The following GRIP1 variants were observed in gnomAD, a reference collection of about 807,000 sequenced individuals.
GRIP1 encodes glutamate receptor interacting protein 1, also known as glutamate receptor-interacting protein 1.
A neutral mutation model predicts 129.9 loss-of-function variants in GRIP1; 45 were observed. That is an observed-to-expected ratio of 0.35 (90% CI 0.27 to 0.44). GRIP1 has a LOEUF of 0.44. Ranked by LOEUF, GRIP1 falls within the 20% of genes least tolerant of loss-of-function variation. GRIP1 has a pLI of 1.00. For synonymous variants in GRIP1, 530 were observed against 520.8 expected (o/e 1.02, Z -0.24); for missense variants, 1,196 against 1,396.8 (o/e 0.86, Z 2.29).
chr12:66,477,732 A>G (rs1305148891), intron 7 of GRIP1, among the ~76,000 whole-genome samples: 1 of 152,204 alleles, frequency 6.6e-6, no homozygotes, highest in African/African-American at 2.4e-5. Context: ...CCACACATCT[A>G]CAACCATCTG....
At chr12:66,798,535 T>C (rs2136900490) in intron 1 of GRIP1, among the ~76,000 whole-genome samples, 1 of 152,298 alleles carries the variant, frequency 6.6e-6, no homozygotes, top group East Asian at 1.9e-4. Context: ...ATTGGAACGA[T>C]TTAAATGAAA....
intron 1 of GRIP1, among the ~76,000 whole-genome samples, chr12:66,980,706 A>G (rs1441236913): frequency 6.6e-6 from 1 of 152,248 alleles, no homozygotes; most frequent in East Asian, 1.9e-4. Flanking sequence ...TTGAGACAAG[A>G]AGAAACTAAC....
chr12:66,722,661 AG>A (rs1017420724), intron 1 of GRIP1, among the ~76,000 whole-genome samples: 9 of 152,202 alleles, frequency 5.9e-5, no homozygotes, highest in African/African-American at 2.2e-4. Flanking sequence ...GCACATAGGG[AG>A]GCCAATAAAA....
intron 1 of GRIP1, among the ~76,000 whole-genome samples, chr12:66,778,329 T>C (rs894898091): frequency 6.6e-6 from 1 of 152,160 alleles, no homozygotes; most frequent in South Asian, 2.1e-4. Flanking sequence ...GTTAGATAGA[T>C]AGGCAGTCAT....
chr12:66,745,547 G>A (rs1416337283), intron 1 of GRIP1, among the ~76,000 whole-genome samples: 7 of 152,114 alleles, frequency 4.6e-5, no homozygotes, highest in African/African-American at 9.7e-5. Flanking sequence ...GCAAATACAC[G>A]CATGAAAGAC....
intron 1 of GRIP1, among the ~76,000 whole-genome samples, chr12:66,912,707 T>C (rs551449901): frequency 6.6e-6 from 1 of 152,244 alleles, no homozygotes; most frequent in Non-Finnish European, 1.5e-5. Context: ...TACATATATC[T>C]TCAATAAAAT....
At chr12:66,624,376 G>T (rs1271566412) in intron 1 of GRIP1, among the ~76,000 whole-genome samples, 2 of 152,014 alleles carry the variant, frequency 1.3e-5, no homozygotes, top group Non-Finnish European at 2.9e-5. Flanking sequence ...TGTGTAATAG[G>T]TTGCTATGAT....
intron 24 of GRIP1, among the ~76,000 whole-genome samples, chr12:66,352,431 A>G (rs2054274917): frequency 6.6e-6 from 1 of 152,196 alleles, no homozygotes; most frequent in Non-Finnish European, 1.5e-5. Context: ...ATCCAGCTGA[A>G]GCTAGAGAGT....
At chr12:66,535,451 G>T (rs1056512460) in intron 4 of GRIP1, among the ~76,000 whole-genome samples, 1 of 151,876 alleles carries the variant, frequency 6.6e-6, no homozygotes, top group Non-Finnish European at 1.5e-5. Context: ...TTTGATAATG[G>T]TCTCAATAAT....
intron 1 of GRIP1, among the ~76,000 whole-genome samples, chr12:66,717,132 C>T (rs2035913777): frequency 6.6e-6 from 1 of 151,908 alleles, no homozygotes; most frequent in African/African-American, 2.4e-5. Context: ...AAGAAAAGTC[C>T]AATAAGTTAT....
chr12:66,389,942 C>T (rs2056517501), intron 19 of GRIP1, among the ~76,000 whole-genome samples: 1 of 152,198 alleles, frequency 6.6e-6, no homozygotes, highest in Admixed American at 6.5e-5. Context: ...AAAGCCTCAA[C>T]AGAGACCCAA....
At chr12:66,536,732 GTTTTA>G (rs766658354) in intron 4 of GRIP1, among the ~76,000 whole-genome samples, 34 of 152,192 alleles carry the variant, frequency 2.2e-4, no homozygotes, top group Non-Finnish European at 4.1e-4. Flanking sequence ...ATTTATTATG[GTTTTA>G]TTTTATTATC....
chr12:66,994,428 A>C (rs2042437830), intron 1 of GRIP1, among the ~76,000 whole-genome samples: 1 of 149,370 alleles, frequency 6.7e-6, no homozygotes. Flanking sequence ...TGACAACATA[A>C]AATACCTTTT....
chr12:66,962,653 T>C (rs2041939076), intron 1 of GRIP1, among the ~76,000 whole-genome samples: 1 of 151,954 alleles, frequency 6.6e-6, no homozygotes, highest in African/African-American at 2.4e-5. Context: ...TGTGCAGGGG[T>C]CCAGGACTTT....
intron 1 of GRIP1, among the ~76,000 whole-genome samples, chr12:66,965,722 G>GC (rs976777111): frequency 1.3e-5 from 2 of 152,008 alleles, no homozygotes; most frequent in African/African-American, 4.8e-5. Flanking sequence ...CATTATGGAT[G>GC]CCCTTTACAC....
intron 4 of GRIP1, among the ~76,000 whole-genome samples, chr12:66,531,760 C>T (rs895057817): frequency 1.3e-5 from 2 of 151,760 alleles, no homozygotes; most frequent in Non-Finnish European, 2.9e-5. Flanking sequence ...TTCCATGGCC[C>T]AACAAGCCAC....
At chr12:67,045,028 A>G (rs1438590012) in intron 1 of GRIP1, among the ~76,000 whole-genome samples, 2 of 152,228 alleles carry the variant, frequency 1.3e-5, no homozygotes, top group Admixed American at 6.5e-5. Flanking sequence ...TAGCTAATAA[A>G]TGGCAGAGCC....
intron 5 of GRIP1, among the ~76,000 whole-genome samples, chr12:66,525,392 A>G (rs1172849931): frequency 2.6e-5 from 4 of 152,230 alleles, no homozygotes; most frequent in Non-Finnish European, 5.9e-5. Context: ...AAATCAATAA[A>G]TGTAATCCAG....
intron 1 of GRIP1, among the ~76,000 whole-genome samples, chr12:66,847,378 C>T (rs1394948372): frequency 6.6e-6 from 1 of 152,058 alleles, no homozygotes; most frequent in Non-Finnish European, 1.5e-5. Context: ...TAGGTCTTGT[C>T]TATATATGTA....
Sources: gnomAD v4.1 joint callset for allele counts (sites outside exome capture counted in the v4.1 genomes callset) on GRCh38, gnomAD v4.1.1 for gene constraint, MANE v1.5 for transcripts, NCBI Gene and HGNC (gene_info 2026-07-23, HGNC 2026-07-21) for gene names.